Variants in VPS54 observed in about 807,000 individuals in gnomAD.
VPS54 encodes the protein VPS54 subunit of GARP complex.
Under a neutral mutation model 121.5 loss-of-function variants are expected in VPS54, and 45 were observed. The observed-to-expected ratio is 0.37, with a 90% CI of 0.29 to 0.47. The LOEUF (loss-of-function observed/expected upper bound fraction) is 0.47. Ranked by LOEUF, VPS54 falls within the 20% of genes least tolerant of loss-of-function variation. VPS54 has a pLI of 0.99. For synonymous variants in VPS54, 371 were observed against 385.8 expected, an observed-to-expected ratio of 0.96 and a Z score of 0.45; for missense variants, 1,090 against 1,131.4, an observed-to-expected ratio of 0.96 and a Z score of 0.52.
In VPS54 at chr2:63,981,723, T is replaced by G. The variant is rs187481156; in HGVS notation, c.301A>C (p.Thr101Pro). The change falls in exon 3 of 23, where the codon ACT becomes CCT. Residue 101 changes from threonine (T) to proline (P), a missense_variant. Physicochemically the swap from Thr to Pro is conservative, Grantham distance 38. Around this residue, in one of 2 missense-constraint regions of VPS54, gnomAD observed 801 missense variants for 757.0 expected, o/e 1.06. Transcript: ENST00000272322. ...TKTWGLDFVD[T>P]EVIPSFYLPQ... ...AGGTAGAATGAAGGTATGACTTCAG[T>G]GTCCACAAAGTCCAATCCCCATGTT... 1 of 1,613,734 alleles carries G rather than the reference T, an allele frequency of 6.2e-7. No homozygotes were observed. Among genetic ancestry groups the G allele is most frequent in the Non-Finnish European group, 8.5e-7 (1 of 1,179,746 alleles).
chr2:63,954,271 T>C (rs1675390300), intron 7 of VPS54, among the ~76,000 whole-genome samples: 1 of 152,128 alleles, frequency 6.6e-6, no homozygotes, highest in South Asian at 2.1e-4. Flanking sequence ...AAGAATGAAC[T>C]TGAGGAGGTT....
At chr2:64,001,170 A>G (rs927612329) in intron 1 of VPS54, among the ~76,000 whole-genome samples, 1 of 152,160 alleles carries the variant, frequency 6.6e-6, no homozygotes, top group Non-Finnish European at 1.5e-5. Flanking sequence ...CCAAAGGCCC[A>G]TAGGGAGTAC....
At chr2:63,994,690 G>C (rs571463139) in intron 1 of VPS54, among the ~76,000 whole-genome samples, 6 of 152,230 alleles carry the variant, frequency 3.9e-5, no homozygotes, top group African/African-American at 1.4e-4. Context: ...TCTCCTTTAA[G>C]ACAAATGAAA....
intron 12 of VPS54, among the ~76,000 whole-genome samples, chr2:63,933,225 T>C (rs1369354464): frequency 6.6e-6 from 1 of 152,190 alleles, no homozygotes; most frequent in Non-Finnish European, 1.5e-5. Flanking sequence ...TGTGATCCAT[T>C]TGGAAATTCA....
At chr2:63,926,751 ACTGCAC>A (rs1673924549) in intron 12 of VPS54, among the ~76,000 whole-genome samples, 1 of 152,124 alleles carries the variant, frequency 6.6e-6, no homozygotes, top group African/African-American at 2.4e-5. Flanking sequence ...GCTGTGAGTA[ACTGCAC>A]CTGGAGAAGT....
chr2:63,942,070 T>G (rs1040923241), intron 11 of VPS54, among the ~76,000 whole-genome samples: 2 of 151,620 alleles, frequency 1.3e-5, no homozygotes, highest in East Asian at 3.8e-4. Context: ...CAAGGTAATT[T>G]GAATATAAAC....
chr2:63,909,423 T>A (rs1192058543), intron 20 of VPS54, among the ~76,000 whole-genome samples: 1 of 135,896 alleles, frequency 7.4e-6, no homozygotes, highest in Admixed American at 7.4e-5. Context: ...CTTTTTTTTT[T>A]TTTTTTTTTT....
intron 1 of VPS54, among the ~76,000 whole-genome samples, chr2:64,015,563 T>C (rs1158567596): frequency 6.6e-6 from 1 of 152,190 alleles, no homozygotes; most frequent in Non-Finnish European, 1.5e-5. Flanking sequence ...CTGTGCATTG[T>C]AGGGTATTTA....
intron 20 of VPS54, among the ~76,000 whole-genome samples, chr2:63,909,725 G>GTTTTTTT (rs1553470849): frequency 3.5e-5 from 4 of 115,280 alleles, no homozygotes; most frequent in South Asian, 5.8e-4. Context: ...GCCGTTTTTG[G>GTTTTTTT]TTTTTTTTTT....
intron 1 of VPS54, among the ~76,000 whole-genome samples, chr2:64,008,089 AG>A (rs1678251346): frequency 6.6e-6 from 1 of 152,022 alleles, no homozygotes; most frequent in Admixed American, 6.6e-5. Flanking sequence ...GTAGGCAAAC[AG>A]CAAGAAGCCA....
At chr2:63,990,868 G>C (rs1677285724) in intron 1 of VPS54, among the ~76,000 whole-genome samples, 1 of 152,180 alleles carries the variant, frequency 6.6e-6, no homozygotes, top group Non-Finnish European at 1.5e-5. Context: ...CTTGTACTCA[G>C]TATGGTCCTA....
Position 64,014,141 on chromosome 2 carries a change from C to G in VPS54, c.-21+4797G>C, listed in dbSNP as rs559225245. ...CAAATGGTGAGCAGGCTTACAACCC[C>G]TATTTCTTCAGTTAAATTCTCACAT... On this transcript the variant is annotated intron_variant, in intron 1 of 22. Coordinates refer to ENST00000272322, the MANE Select transcript of VPS54 (RefSeq NM_016516.3). Among the ~76,000 whole-genome samples, 4 of 152,238 alleles carry G rather than the reference C, an allele frequency of 2.6e-5. No homozygotes were observed. The East Asian group carries it at 5.8e-4, about 22-fold the overall frequency.
In VPS54 at chr2:63,944,583, T is replaced by C. The variant is rs1259227015; in HGVS notation, c.1301+17A>G. 1 of 1,596,608 alleles carries C rather than the reference T, an allele frequency of 6.3e-7. No homozygotes were observed. The highest frequency in any genetic ancestry group is 2.2e-5 in the East Asian group (1 of 44,694). ...TTTCTCTGACTGATAACCACCAACC[T>C]ATATATTTATACTTACTTCACAACA... is the stretch of plus-strand genomic sequence containing the variant. On this transcript the variant is annotated intron_variant, in intron 10 of 22. Transcript: ENST00000272322.
intron 5 of VPS54, among the ~76,000 whole-genome samples, chr2:63,967,718 CAAAAAA>C (rs56820620): frequency 7.5e-5 from 4 of 52,988 alleles, no homozygotes; most frequent in African/African-American, 3.2e-4. Context: ...GACTCTGCCT[CAAAAAA>C]AAAAAAAAAA....
At chr2:63,893,842 C>A (rs1307555411) in intron 22 of VPS54, among the ~76,000 whole-genome samples, 1 of 152,104 alleles carries the variant, frequency 6.6e-6, no homozygotes, top group Non-Finnish European at 1.5e-5. Context: ...GAGAAAATAA[C>A]AGGCTAAACT....
intron 4 of VPS54, among the ~76,000 whole-genome samples, chr2:63,970,244 T>TATATATATAGATATATATAG (rs56662650): frequency 0.06 from 5,852 of 97,810 alleles, 548 homozygotes; most frequent in Middle Eastern, 0.068. Flanking sequence ...CACATTCTAA[T>TATATATATAGATATATATAG]ATATATATAG....
At chr2:64,001,813 G>C (rs377363300) in intron 1 of VPS54, among the ~76,000 whole-genome samples, 11 of 152,080 alleles carry the variant, frequency 7.2e-5, no homozygotes, top group African/African-American at 2.2e-4. Flanking sequence ...GCTGTGAGCT[G>C]GGCTGCCTGG....
At chr2:63,905,328 A>T (rs551478108) in intron 20 of VPS54, among the ~76,000 whole-genome samples, 3 of 152,252 alleles carry the variant, frequency 2.0e-5, no homozygotes, top group African/African-American at 7.2e-5. Context: ...ATAAATTAAC[A>T]TCATTACCAA....
intron 7 of VPS54, among the ~76,000 whole-genome samples, chr2:63,953,249 A>T (rs1382391264): frequency 2.7e-5 from 4 of 149,478 alleles, no homozygotes; most frequent in Admixed American, 6.8e-5. Context: ...CTCGTGCCTC[A>T]GCCTCCCAAG....
Sources: allele counts gnomAD v4.1 joint callset (sites outside exome capture counted in the v4.1 genomes callset), GRCh38; gene constraint gnomAD v4.1.1; regional missense constraint gnomAD v4.1.1; transcripts MANE v1.5; gene names NCBI Gene and HGNC (gene_info 2026-07-23, HGNC 2026-07-21).